Variants in MICU1 observed in about 807,000 individuals in gnomAD.
MICU1 encodes calcium uptake protein 1, mitochondrial.
A neutral mutation model predicts 56.8 loss-of-function variants in MICU1; 45 were observed. The observed-to-expected ratio is 0.79, with a 90% confidence interval of 0.62 to 1.02. MICU1 has a LOEUF of 1.02. MICU1 is among the 50% of genes least tolerant of loss of function. The pLI, the probability that MICU1 is intolerant of heterozygous loss-of-function variation, is 0.00. For synonymous variants in MICU1, 186 were observed against 195.1 expected, an observed-to-expected ratio of 0.95 and a Z score of 0.39; for missense variants, 504 against 587.1, an observed-to-expected ratio of 0.86 and a Z score of 1.46.
At chr10:72,435,090 A>G (rs763056463) in intron 8 of MICU1, among the ~76,000 whole-genome samples, 3 of 152,170 alleles carry the variant, frequency 2.0e-5, no homozygotes, top group Non-Finnish European at 4.4e-5. Flanking sequence ...ATAAATAAAA[A>G]TAAAAATGAA....
chr10:72,476,301 T>C (rs1866120784), intron 7 of MICU1, among the ~76,000 whole-genome samples: 1 of 149,488 alleles, frequency 6.7e-6, no homozygotes, highest in Admixed American at 6.7e-5. Context: ...CGATCATAGC[T>C]CACTGCAACT....
chr10:72,382,055 C>T (rs193137311), intron 10 of MICU1, among the ~76,000 whole-genome samples: 17 of 151,206 alleles, frequency 1.1e-4, no homozygotes, highest in African/African-American at 4.1e-4. Flanking sequence ...TATATTAATA[C>T]ACACATATGG....
intron 1 of MICU1, among the ~76,000 whole-genome samples, chr10:72,616,698 T>A (rs563485924): frequency 1.1e-3 from 170 of 152,254 alleles, no homozygotes; most frequent in African/African-American, 3.9e-3. Context: ...AAGTATTGTT[T>A]TATCTGATCT....
intron 1 of MICU1, among the ~76,000 whole-genome samples, chr10:72,615,662 G>GT (rs981337034): frequency 1.3e-5 from 2 of 151,888 alleles, no homozygotes; most frequent in African/African-American, 2.4e-5. Context: ...TTCAGTTTGA[G>GT]TTTTTTTATA....
intron 1 of MICU1, among the ~76,000 whole-genome samples, chr10:72,614,510 C>G (rs1841931523): frequency 6.6e-6 from 1 of 152,202 alleles, no homozygotes; most frequent in Non-Finnish European, 1.5e-5. Flanking sequence ...AAATGTGACA[C>G]ATACATACAA....
At chr10:72,458,704 GTTT>G (rs58623292) in intron 8 of MICU1, among the ~76,000 whole-genome samples, 73,851 of 142,840 alleles carry the variant, frequency 0.52, 20,700 homozygotes, top group Non-Finnish European at 0.67. Flanking sequence ...TGCGGTTCCT[GTTT>G]TTTTTTTTTT....
intron 6 of MICU1, among the ~76,000 whole-genome samples, chr10:72,498,474 T>C (rs2132321313): frequency 6.6e-6 from 1 of 152,194 alleles, no homozygotes; most frequent in African/African-American, 2.4e-5. Context: ...TAGTCCCAGC[T>C]ACTTGGGAGG....
chr10:72,524,735 C>T, intron 5 of MICU1: 1 of 1,231,814 alleles, frequency 8.1e-7, no homozygotes, highest in African/African-American at 1.6e-5. Flanking sequence ...GAGTCAGTAC[C>T]TGCCAGAAAT....
chr10:72,604,288 T>G (rs1346763843), intron 1 of MICU1, among the ~76,000 whole-genome samples: 1 of 151,534 alleles, frequency 6.6e-6, no homozygotes, highest in Admixed American at 6.6e-5. Flanking sequence ...TTTTTTTTTT[T>G]TTGAGACGGA....
chr10:72,384,844 T>G (rs1296572561), intron 10 of MICU1, among the ~76,000 whole-genome samples: 1 of 152,156 alleles, frequency 6.6e-6, no homozygotes. Flanking sequence ...ATATAAATGT[T>G]TTTACCAAAT....
chr10:72,375,604 C>T (rs1862490288), intron 11 of MICU1, among the ~76,000 whole-genome samples, 179 bp downstream of exon 11: 1 of 152,138 alleles, frequency 6.6e-6, no homozygotes, highest in Non-Finnish European at 1.5e-5. Context: ...AAGCCAGGGC[C>T]AGGGGTTCGA....
At chr10:72,575,481 T>C (rs779031046) in intron 1 of MICU1, among the ~76,000 whole-genome samples, 7 of 152,236 alleles carry the variant, frequency 4.6e-5, no homozygotes, top group Non-Finnish European at 7.3e-5. Flanking sequence ...ATACACTTCA[T>C]GGAGATTGCA....
At chr10:72,509,281 G>T in intron 5 of MICU1, 1 of 802,014 alleles carries the variant, frequency 1.2e-6, no homozygotes, top group Non-Finnish European at 1.8e-6. Flanking sequence ...ATAATGTCAT[G>T]CAAGCATAAA....
At chr10:72,482,887 GCT>G (rs1222026576) in intron 6 of MICU1, among the ~76,000 whole-genome samples, 2 of 149,888 alleles carry the variant, frequency 1.3e-5, no homozygotes, top group East Asian at 3.9e-4. Flanking sequence ...ACAGAGTCTT[GCT>G]CTGTCGCCCA....
intron 10 of MICU1, among the ~76,000 whole-genome samples, chr10:72,376,510 T>C (rs1862527500): frequency 6.6e-6 from 1 of 151,752 alleles, no homozygotes; most frequent in South Asian, 2.1e-4. Context: ...CCCGGCATGG[T>C]GGTGTGCACC....
chr10:72,432,319 G>C (rs936288253), intron 8 of MICU1, among the ~76,000 whole-genome samples: 1 of 151,918 alleles, frequency 6.6e-6, no homozygotes, highest in Non-Finnish European at 1.5e-5. Flanking sequence ...TTGTAGAGAC[G>C]GGGTTTTCCT....
chr10:72,510,651 A>ATTT (rs34420198), intron 5 of MICU1, among the ~76,000 whole-genome samples: 1 of 150,056 alleles, frequency 6.7e-6, no homozygotes, highest in Non-Finnish European at 1.5e-5. Flanking sequence ...GTCCTTTTTT[A>ATTT]TTTTTTTTTT....
intron 9 of MICU1, among the ~76,000 whole-genome samples, chr10:72,416,244 T>C (rs1052468587): frequency 2.6e-5 from 4 of 152,186 alleles, no homozygotes; most frequent in Admixed American, 2.6e-4. Flanking sequence ...CTAAATCTCC[T>C]ATAGTAATTC....
chr10:72,573,653 GTTAA>G (rs1448266751), intron 1 of MICU1, among the ~76,000 whole-genome samples: 1 of 152,056 alleles, frequency 6.6e-6, no homozygotes, highest in Non-Finnish European at 1.5e-5. Context: ...TAATCACATG[GTTAA>G]TTTTTTATTT....
Sources: allele counts gnomAD v4.1 joint callset (sites outside exome capture counted in the v4.1 genomes callset), GRCh38; gene constraint gnomAD v4.1.1; transcripts MANE v1.5; gene names NCBI Gene and HGNC (gene_info 2026-07-23, HGNC 2026-07-21).